HTR1E: variants seen among roughly 807,000 people sequenced by gnomAD.
HTR1E encodes 5-HT-1E.
Under a neutral mutation model 3.4 loss-of-function variants are expected in HTR1E, and 3 were observed. The observed-to-expected ratio is 0.89, with a 90% CI of 0.41 to 2.31. The LOEUF is 2.31. HTR1E is among the 30% of genes most tolerant of loss of function. The pLI is 0.05. For synonymous variants in HTR1E, 170 were observed against 182.8 expected, an observed-to-expected ratio of 0.93 and a Z score of 0.56; for missense variants, 392 against 467.0, an observed-to-expected ratio of 0.84 and a Z score of 1.48.
intron 1 of HTR1E, among the ~76,000 whole-genome samples, chr6:86,981,657 C>G (rs1444146394): frequency 1.3e-5 from 2 of 152,220 alleles, no homozygotes; most frequent in Non-Finnish European, 2.9e-5. Context: ...GTACAACATT[C>G]TTGCATCATA....
intron 1 of HTR1E, among the ~76,000 whole-genome samples, chr6:86,998,130 C>A (rs1421777655): frequency 2.6e-5 from 4 of 151,880 alleles, no homozygotes; most frequent in African/African-American, 7.2e-5. Context: ...AATTGACATA[C>A]CCACAATTAT....
intron 1 of HTR1E, among the ~76,000 whole-genome samples, chr6:86,959,633 C>T (rs1192171346): frequency 2.0e-5 from 3 of 152,140 alleles, no homozygotes; most frequent in Admixed American, 1.3e-4. Flanking sequence ...GGCAGGATGA[C>T]GGAACCTCAG....
At chr6:86,988,630 T>C (rs1341039649) in intron 1 of HTR1E, among the ~76,000 whole-genome samples, 1 of 152,120 alleles carries the variant, frequency 6.6e-6, no homozygotes, top group African/African-American at 2.4e-5. Context: ...GAGTATTATC[T>C]TTATCATAAT....
At chr6:86,950,782 C>A (rs573873106) in intron 1 of HTR1E, among the ~76,000 whole-genome samples, 5 of 152,128 alleles carry the variant, frequency 3.3e-5, no homozygotes, top group African/African-American at 1.2e-4. Flanking sequence ...TAAATTGGAC[C>A]AAATTCTATA....
intron 1 of HTR1E, among the ~76,000 whole-genome samples, chr6:87,002,568 C>T (rs541727513): frequency 6.6e-6 from 1 of 152,146 alleles, no homozygotes; most frequent in East Asian, 1.9e-4. Context: ...TAGCTAGACA[C>T]ATAGTGCTGA....
At chr6:86,951,414 C>T (rs1008963723) in intron 1 of HTR1E, among the ~76,000 whole-genome samples, 3 of 152,124 alleles carry the variant, frequency 2.0e-5, no homozygotes. Flanking sequence ...ATTTAAATGG[C>T]ATAACTTTCA....
At chr6:87,014,698 ACAGGAACAGAAAACCAAACAC>A (rs1768290359) in intron 1 of HTR1E, among the ~76,000 whole-genome samples, 1 of 151,962 alleles carries the variant, frequency 6.6e-6, no homozygotes. Context: ...ACAAACTAAC[ACAGGAACAGAAAACCAAACAC>A]CACATGCTCT....
rs537739572 is a variant in HTR1E at position 86,961,539 on chromosome 6, CCTT to C, written c.-186+23717_-186+23719del. On this transcript the variant is annotated intron_variant, in intron 1 of 1. Coordinates refer to ENST00000305344, the MANE Select transcript of HTR1E (RefSeq NM_000865.3). The stretch of plus-strand genomic sequence containing the variant: ...CGGCTATTCTAATTAATTTTCTCCT[CCTT>C]ATCAGCGGATTTAATGATTCACTTC... Among the ~76,000 whole-genome samples the C allele has an allele frequency of 3.3e-4, 50 of 152,228 alleles. No homozygotes were observed. In the East Asian group the frequency reaches 8.1e-3, roughly 25 times the overall value.
intron 1 of HTR1E, among the ~76,000 whole-genome samples, chr6:87,007,780 CA>C (rs1374635916): frequency 6.6e-6 from 1 of 152,000 alleles, no homozygotes; most frequent in Non-Finnish European, 1.5e-5. Flanking sequence ...ATAATAAATA[CA>C]AAAATTAGCC....
At chr6:86,960,160 C>A (rs540828511) in intron 1 of HTR1E, among the ~76,000 whole-genome samples, 8 of 152,246 alleles carry the variant, frequency 5.3e-5, no homozygotes, top group African/African-American at 1.9e-4. Context: ...TCCCACAGTT[C>A]TAGAAGCTGG....
At chr6:86,960,502 C>T (rs1198857606) in intron 1 of HTR1E, among the ~76,000 whole-genome samples, 1 of 152,168 alleles carries the variant, frequency 6.6e-6, no homozygotes, top group Non-Finnish European at 1.5e-5. Flanking sequence ...CATTATTCCA[C>T]CTGGTGAACT....
chr6:87,001,302 C>T (rs1768020413), intron 1 of HTR1E, among the ~76,000 whole-genome samples: 1 of 152,124 alleles, frequency 6.6e-6, no homozygotes, highest in Admixed American at 6.5e-5. Context: ...AAGAGTAAGT[C>T]CTTACTTACG....
Position 86,981,584 on chromosome 6 carries a change from G to A in HTR1E, c.-185-33566G>A, listed in dbSNP as rs978519920. ...TCATCTTCAATGTCCTGGAATGGAG[G>A]AAGGAGCTATGGAGCCACTGCTGAG... On this transcript the variant is annotated intron_variant, in intron 1 of 1. Transcript: ENST00000305344. Among the ~76,000 whole-genome samples the A allele has an allele frequency of 2.6e-5, 4 of 152,174 alleles. No homozygotes were observed. In the South Asian group the frequency reaches 6.2e-4, roughly 24 times the overall value.
intron 1 of HTR1E, among the ~76,000 whole-genome samples, chr6:86,939,329 A>G (rs1288013864): frequency 2.0e-5 from 3 of 152,228 alleles, no homozygotes. Flanking sequence ...TATTTCTAAA[A>G]TTGCATAGCA....
intron 1 of HTR1E, among the ~76,000 whole-genome samples, chr6:87,010,480 C>T (rs1389088753): frequency 2.7e-4 from 40 of 148,722 alleles, no homozygotes; most frequent in Admixed American, 1.3e-3. Flanking sequence ...GGGTCTCGGC[C>T]GGGCAGAGGC....
At chr6:86,997,093 CATG>C (rs1767950802) in intron 1 of HTR1E, among the ~76,000 whole-genome samples, 2 of 151,872 alleles carry the variant, frequency 1.3e-5, no homozygotes, top group Admixed American at 6.6e-5. Flanking sequence ...AGAAAAATCA[CATG>C]ATGATATCAA....
intron 1 of HTR1E, among the ~76,000 whole-genome samples, chr6:86,946,247 C>T (rs1185620806): frequency 6.6e-6 from 1 of 152,214 alleles, no homozygotes; most frequent in Non-Finnish European, 1.5e-5. Flanking sequence ...ATCCTGCAAA[C>T]TCCATTCATG....
intron 1 of HTR1E, among the ~76,000 whole-genome samples, chr6:86,952,790 T>C (rs1045469579): frequency 6.6e-6 from 1 of 152,146 alleles, no homozygotes; most frequent in African/African-American, 2.4e-5. Context: ...GATTGAATGG[T>C]AAAATTAGAA....
At chr6:86,976,230 T>A (rs1767636795) in intron 1 of HTR1E, among the ~76,000 whole-genome samples, 1 of 151,560 alleles carries the variant, frequency 6.6e-6, no homozygotes, top group South Asian at 2.1e-4. Context: ...TGGAAAGAGG[T>A]GATCTGGGAG....
Sources: allele counts gnomAD v4.1 joint callset (sites outside exome capture counted in the v4.1 genomes callset), GRCh38; gene constraint gnomAD v4.1.1; transcripts MANE v1.5; gene names NCBI Gene and HGNC (gene_info 2026-07-23, HGNC 2026-07-21).